Variants in PDK2 observed in about 807,000 individuals in gnomAD.
The protein encoded by PDK2 is pyruvate dehydrogenase kinase, isozyme 2.
A neutral mutation model predicts 50.4 loss-of-function variants in PDK2; 34 were observed. The observed-to-expected ratio is 0.68, with a 90% confidence interval of 0.51 to 0.90. The LOEUF is 0.90. Ranked by LOEUF, PDK2 falls within the 40% of genes least tolerant of loss-of-function variation. The pLI is 0.00. For synonymous variants in PDK2, 232 were observed against 216.0 expected, an observed-to-expected ratio of 1.07 and a Z score of -0.65; for missense variants, 377 against 544.5, an observed-to-expected ratio of 0.69 and a Z score of 3.06.
chr17:50,106,958 A>T, intron 5 of PDK2, 75 bp downstream of exon 5: 1 of 1,485,442 alleles, frequency 6.7e-7, no homozygotes, highest in Non-Finnish European at 9.4e-7. Context: ...CCAGAGGGTG[A>T]CTCGTTCCTC....
intron 2 of PDK2, among the ~76,000 whole-genome samples, chr17:50,100,162 G>A (rs184492920): frequency 1.3e-5 from 2 of 152,286 alleles, no homozygotes; most frequent in East Asian, 1.9e-4. Flanking sequence ...AAGAGCCCTC[G>A]GCAGATGCAG....
chr17:50,099,909 G>C (rs1010726525), intron 2 of PDK2, among the ~76,000 whole-genome samples: 3 of 152,256 alleles, frequency 2.0e-5, no homozygotes, highest in Admixed American at 2.0e-4. Context: ...AATGAGCATT[G>C]GCTACAGCAA....
chr17:50,098,827 A>G (rs1364288462), intron 2 of PDK2: 1 of 152,260 alleles, frequency 6.6e-6, no homozygotes. Context: ...GGCAGTTGCT[A>G]TGGACATGCA....
Position 50,095,368 on chromosome 17 carries a change from G to T in PDK2, c.-68G>T. On this transcript the variant is annotated 5_prime_UTR_variant, in exon 1 of 11. Coordinates refer to ENST00000503176, the MANE Select transcript of PDK2 (RefSeq NM_002611.5). ...AGGGAGGAGGCGGCCGAACCGCGTC[G>T]CTGGGCCGAAAGGTGCGCGAGCGCT... 8.4e-7 allele frequency: 1 copy of T among 1,196,848 alleles called. No individual in the cohort carries two copies. The allele number at this position is 1,196,848 out of a possible 1,614,324, so 74.1% of individuals were successfully genotyped here.
intron 1 of PDK2, chr17:50,096,425 G>C: frequency 2.1e-6 from 1 of 475,380 alleles, no homozygotes; most frequent in Non-Finnish European, 2.7e-6. Flanking sequence ...TGGGGACTGG[G>C]GGTGGGGGGC....
In PDK2 at chr17:50,108,308, C is replaced by T; in HGVS notation, c.763-11C>T. On this transcript the variant is annotated splice_polypyrimidine_tract_variant and intron_variant, in intron 7 of 10. Coordinates refer to ENST00000503176, the MANE Select transcript of PDK2 (RefSeq NM_002611.5). Reference sequence around the variant, plus strand: ...TTCTCCCATGCATCTCTTACCTCTGCCCCTCCGCAGAATGCCATGAGGGCG... The same window carrying T: ...TTCTCCCATGCATCTCTTACCTCTGTCCCTCCGCAGAATGCCATGAGGGCG... The T allele has an allele frequency of 6.2e-7, 1 of 1,612,402 alleles. No homozygotes were observed. Among genetic ancestry groups the T allele is most frequent in the Non-Finnish European group, 8.5e-7 (1 of 1,178,712 alleles).
Position 50,101,272 on chromosome 17 carries a change from C to T in PDK2, c.260+3708C>T, listed in dbSNP as rs564616308. 3.9e-5 allele frequency among the ~76,000 whole-genome samples: 6 copies of T among 152,172 alleles called. No homozygotes were observed. The highest frequency in any genetic ancestry group is 1.5e-5 in the Non-Finnish European group (1 of 68,018). Reference sequence around the variant, plus strand: ...GAGCTCTCCAAACCCGTCAGCCGCTCCTTGCATGACCGAGCAGGACCGACC... The same window carrying T: ...GAGCTCTCCAAACCCGTCAGCCGCTTCTTGCATGACCGAGCAGGACCGACC... On this transcript the variant is annotated intron_variant, in intron 2 of 10. Transcript: ENST00000503176. This position sits in a 1 kb window ranked among gnomAD's most constrained non-coding sequence, Gnocchi z 4.2.
At chr17:50,099,522 G>A (rs1209592646) in intron 2 of PDK2, among the ~76,000 whole-genome samples, 13 of 152,382 alleles carry the variant, frequency 8.5e-5, no homozygotes, top group African/African-American at 2.6e-4. Flanking sequence ...GGCCGGGCGC[G>A]GTGGCTCACG....
Position 50,109,518 on chromosome 17 carries a change from T to C in PDK2, c.1083+118T>C. The C allele has an allele frequency of 1.7e-6, 1 of 598,048 alleles. No homozygotes were observed. Among genetic ancestry groups the C allele is most frequent in the East Asian group, 3.0e-5 (1 of 33,156 alleles). The allele number at this position is 598,048 out of a possible 1,614,324, so 37.0% of individuals were successfully genotyped here. A position where few individuals can be genotyped will look rare whatever the true frequency, so the allele number is the denominator to read the frequency against. On this transcript the variant is annotated intron_variant, in intron 10 of 10. Transcript: ENST00000503176. The surrounding 1 kb of genome is among the most constrained non-coding windows in gnomAD (Gnocchi z 5.0). Reference sequence around the variant, plus strand: ...CCCCAGTCCTTCCCTGGCCCCAGACTCTGAGAATCCAAGCAAAGCTACAGT... The same window carrying C: ...CCCCAGTCCTTCCCTGGCCCCAGACCCTGAGAATCCAAGCAAAGCTACAGT...
In PDK2 at chr17:50,110,212, G is replaced by A; in HGVS notation, c.*115G>A. ...GGGGGTGGGTTCTCCCTGATGACCA[G>A]GTTCTGTCTCTATGGAAGTCACTGC... On this transcript the variant is annotated 3_prime_UTR_variant, in exon 11 of 11. Transcript: ENST00000503176. The A allele has an allele frequency of 1.7e-6, 2 of 1,187,718 alleles. No individual in the cohort carries two copies. The highest frequency in any genetic ancestry group is 2.3e-6 in the Non-Finnish European group (2 of 866,912). 73.6% of individuals were successfully genotyped at this position (1,187,718 alleles called of 1,614,324 possible).
chr17:50,106,134 G>A, intron 4 of PDK2, 65 bp downstream of exon 4: 2 of 1,548,966 alleles, frequency 1.3e-6, no homozygotes, highest in Non-Finnish European at 1.7e-6. Context: ...CCCAGGGCCG[G>A]GCTGCTGAGG....
At chr17:50,097,913 G>A (rs1285911758) in intron 2 of PDK2, 1 of 224,962 alleles carries the variant, frequency 4.4e-6, no homozygotes, top group Non-Finnish European at 8.9e-6. Context: ...TAACTGTTAG[G>A]CAGTATTTAT....
rs761946136 is a variant in PDK2, at chr17:50,108,395, G to T, written c.839G>T (p.Gly280Val). The change falls in exon 8 of 11, where the codon GGT becomes GTT. Residue 280 changes from glycine to valine, a missense_variant. Gly to Val is a moderately radical substitution (Grantham distance 109, BLOSUM62 -3). Transcript: ENST00000503176. ...CCCATCAAGGTCATGGTGGCCTTGGGTGAGGAAGATCTGTCCATCAAGGTA... is the reference window on the plus strand; with the variant it reads ...CCCATCAAGGTCATGGTGGCCTTGGTTGAGGAAGATCTGTCCATCAAGGTA... The part of the protein sequence containing the change: ...LPPIKVMVAL[G>V]EEDLSIKMSD... The T allele has an allele frequency of 6.2e-7, 1 of 1,613,592 alleles. No homozygotes were observed. Among genetic ancestry groups the T allele is most frequent in the Non-Finnish European group, 8.5e-7 (1 of 1,179,494 alleles).
In PDK2 at chr17:50,110,285, G is replaced by A; in HGVS notation, c.*188G>A. 1 of 538,134 alleles carries A rather than the reference G, an allele frequency of 1.9e-6. No individual in the cohort carries two copies. Among genetic ancestry groups the A allele is most frequent in the East Asian group, 3.4e-5 (1 of 29,700 alleles). 33.3% of individuals were successfully genotyped at this position (538,134 alleles called of 1,614,324 possible). The stretch of plus-strand genomic sequence containing the variant: ...CTAAGTGCCAGTCCATCTCTGTGGA[G>A]ACCCCTCGGTGGCCTCCCTATCTCT... On this transcript the variant is annotated 3_prime_UTR_variant, in exon 11 of 11. Coordinates refer to ENST00000503176, the MANE Select transcript of PDK2 (RefSeq NM_002611.5).
Position 50,101,582 on chromosome 17 carries a change from C to T in PDK2, c.261-3789C>T, listed in dbSNP as rs1045167799. Among the ~76,000 whole-genome samples the T allele has an allele frequency of 2.0e-5, 3 of 152,174 alleles. No homozygotes were observed. The highest frequency in any genetic ancestry group is 4.4e-5 in the Non-Finnish European group (3 of 68,018). On this transcript the variant is annotated intron_variant, in intron 2 of 10. Transcript: ENST00000503176. The surrounding 1 kb of genome is among the most constrained non-coding windows in gnomAD (Gnocchi z 4.2). The stretch of plus-strand genomic sequence containing the variant: ...TACGAGTGCACAGGGCACACCCTCG[C>T]ACACACCCACAGGCATGCACATGCC...
Position 50,097,636 on chromosome 17 carries a change from C to T in PDK2, c.260+72C>T. On this transcript the variant is annotated intron_variant, in intron 2 of 10. Transcript: ENST00000503176. Reference sequence around the variant, plus strand: ...GTCCCTGGGCTCAGGGATGGCATCTCCAAGCTTTTAGCAGCTTTGAGGGTG... The same window carrying T: ...GTCCCTGGGCTCAGGGATGGCATCTTCAAGCTTTTAGCAGCTTTGAGGGTG... The T allele has an allele frequency of 4.5e-6, 7 of 1,572,958 alleles. No homozygotes were observed. In the South Asian group the frequency reaches 7.8e-5, roughly 17 times the overall value.
At position 50,108,598 on chromosome 17, in the gene PDK2, C is replaced by G. The variant is rs1291678066; in HGVS notation, c.862-14C>G. 6.3e-7 allele frequency: 1 copy of G among 1,593,194 alleles called. No individual in the cohort carries two copies. Among genetic ancestry groups the G allele is most frequent in the South Asian group, 1.1e-5 (1 of 89,294 alleles). ...GAGCTGTAAAGAATCCCTGACACAT[C>G]CCATCTCTCCCAGATGAGTGACCGA... On this transcript the variant is annotated splice_polypyrimidine_tract_variant and intron_variant, in intron 8 of 10. Transcript: ENST00000503176.
upstream of PDK2, chr17:50,095,147 A>G: frequency 2.8e-6 from 1 of 362,464 alleles, no homozygotes; most frequent in East Asian, 5.0e-5. Flanking sequence ...GGGAGGTGGG[A>G]ACTCGGCGCG....
Position 50,110,343 on chromosome 17 carries a change from A to G in PDK2, c.*246A>G. On this transcript the variant is annotated 3_prime_UTR_variant, in exon 11 of 11. Transcript: ENST00000503176. The stretch of plus-strand genomic sequence containing the variant: ...ATGCCTGAGGGTTAGGGATGTCTCC[A>G]CCCTGATGGGGTGTCCCAGAGACAT... 1 of 382,960 alleles carries G rather than the reference A, an allele frequency of 2.6e-6. No individual in the cohort carries two copies. Among genetic ancestry groups the G allele is most frequent in the Non-Finnish European group, 4.7e-6 (1 of 211,812 alleles). The allele number at this position is 382,960 out of a possible 1,614,324, so 23.7% of individuals were successfully genotyped here.
Sources: gnomAD v4.1 joint callset for allele counts (sites outside exome capture counted in the v4.1 genomes callset) on GRCh38, gnomAD v4.1.1 for gene constraint, Gnocchi (gnomAD v3.1) non-coding constraint, MANE v1.5 for transcripts, NCBI Gene and HGNC (gene_info 2026-07-23, HGNC 2026-07-21) for gene names.